The following ESRRG variants were observed in gnomAD, a reference collection of about 807,000 sequenced individuals.
ESRRG encodes estrogen-related receptor gamma.
A neutral mutation model predicts 44.0 loss-of-function variants in ESRRG; 13 were observed. The ratio of observed to expected loss-of-function variants is 0.30; its 90% CI spans 0.19 to 0.47. The LOEUF (loss-of-function observed/expected upper bound fraction) is 0.47, where lower values mean the gene tolerates loss of function less well. Among genes scored for constraint, ESRRG ranks in the 20% least tolerant of loss-of-function variants. The probability of loss-of-function intolerance (pLI) is 1.00; values close to 1 mark genes in which losing one functional copy is unlikely to be tolerated. For missense variants in ESRRG, 395 were observed against 580.6 expected, an observed-to-expected ratio of 0.68 and a Z score of 3.29; for synonymous variants, 215 against 214.6, an observed-to-expected ratio of 1.00 and a Z score of -0.02.
At chr1:217,136,149 C>G (rs192345137) in intron 1 of ESRRG, among the ~76,000 whole-genome samples, 2 of 152,278 alleles carry the variant, frequency 1.3e-5, no homozygotes, top group Admixed American at 6.5e-5. Flanking sequence ...GGGCAAAGAG[C>G]GGAGCTCCCA....
chr1:216,827,967 T>C (rs551773123), intron 2 of ESRRG, among the ~76,000 whole-genome samples: 15 of 152,102 alleles, frequency 9.9e-5, no homozygotes, highest in Non-Finnish European at 2.1e-4. Flanking sequence ...ACAAGAAAAA[T>C]TGTGAACTTC....
intron 1 of ESRRG, among the ~76,000 whole-genome samples, chr1:216,981,979 A>G (rs1211221603): frequency 1.3e-5 from 2 of 152,070 alleles, no homozygotes; most frequent in Non-Finnish European, 2.9e-5. Flanking sequence ...CTCTCTTTCC[A>G]TTTGCCATGT....
chr1:216,579,819 T>A (rs566796824), intron 3 of ESRRG, among the ~76,000 whole-genome samples: 1 of 152,288 alleles, frequency 6.6e-6, no homozygotes, highest in East Asian at 1.9e-4. Context: ...AGACTTCAAA[T>A]GTCACTCCCT....
chr1:216,651,102 T>TTTTCTTCAAAC lies in ESRRG; in HGVS notation c.473-14_473-13insGTTTGAAGAAA. 1 of 1,520,910 alleles carries TTTTCTTCAAAC rather than the reference T, an allele frequency of 6.6e-7. No individual in the cohort carries two copies. Among genetic ancestry groups the TTTTCTTCAAAC allele is most frequent in the Non-Finnish European group, 9.1e-7 (1 of 1,095,446 alleles). The allele number at this position is 1,520,910 out of a possible 1,614,324, so 94.2% of individuals were successfully genotyped here. ...TATTCTATATTGCCTAAAACACAAG[T>TTTTCTTCAAAC]TTGAAGAAAAGTTGTCATATTTACA... On this transcript the variant is annotated splice_polypyrimidine_tract_variant and intron_variant, in intron 2 of 6. Coordinates refer to ENST00000408911, the MANE Select transcript of ESRRG (RefSeq NM_001438.4).
intron 2 of ESRRG, among the ~76,000 whole-genome samples, chr1:216,673,515 C>T (rs1231072549): frequency 6.6e-6 from 1 of 152,210 alleles, no homozygotes; most frequent in Non-Finnish European, 1.5e-5. Flanking sequence ...ATCCTTGAAA[C>T]TTGCTCTCTC....
intron 1 of ESRRG, among the ~76,000 whole-genome samples, chr1:216,690,768 G>A (rs2078913847): frequency 6.6e-6 from 1 of 151,980 alleles, no homozygotes; most frequent in South Asian, 2.1e-4. Flanking sequence ...ACACACAATG[G>A]ACTAGGGAAG....
intron 1 of ESRRG, among the ~76,000 whole-genome samples, chr1:216,967,802 G>A (rs2070779517): frequency 3.3e-5 from 5 of 152,114 alleles, no homozygotes; most frequent in Admixed American, 3.3e-4. Flanking sequence ...AGTTTTGTAA[G>A]AAACTGCCCA....
At chr1:216,636,538 A>C (rs2065335175) in intron 3 of ESRRG, among the ~76,000 whole-genome samples, 1 of 152,296 alleles carries the variant, frequency 6.6e-6, no homozygotes, top group Non-Finnish European at 1.5e-5. Context: ...GCTATTTTCT[A>C]ATGTGCAAAT....
chr1:216,997,722 T>C (rs140378138), intron 1 of ESRRG, among the ~76,000 whole-genome samples: 195 of 152,326 alleles, frequency 1.3e-3, no homozygotes, highest in African/African-American at 2.9e-3. Flanking sequence ...GAAAAGCGTT[T>C]AAAATAGGGA....
At chr1:216,774,872 G>T (rs937172027) in intron 2 of ESRRG, among the ~76,000 whole-genome samples, 1 of 146,336 alleles carries the variant, frequency 6.8e-6, no homozygotes, top group Non-Finnish European at 1.5e-5. Flanking sequence ...CACGAGCACA[G>T]CTCACTGAAG....
intron 2 of ESRRG, among the ~76,000 whole-genome samples, chr1:216,850,467 C>T (rs1210780789): frequency 6.6e-6 from 1 of 152,012 alleles, no homozygotes; most frequent in African/African-American, 2.4e-5. Context: ...TCCAACTCTC[C>T]ACAGGTAGTT....
At chr1:217,054,688 G>C (rs965344837) in intron 1 of ESRRG, among the ~76,000 whole-genome samples, 3 of 152,082 alleles carry the variant, frequency 2.0e-5, no homozygotes, top group Non-Finnish European at 4.4e-5. Flanking sequence ...TGGCTACTGT[G>C]GTTATTATAC....
chr1:216,927,356 C>T (rs1005404797), intron 2 of ESRRG, among the ~76,000 whole-genome samples: 33 of 152,202 alleles, frequency 2.2e-4, no homozygotes, highest in Admixed American at 1.7e-3. Flanking sequence ...AGCCTGAAGA[C>T]GGCCCCTCAC....
intron 1 of ESRRG, among the ~76,000 whole-genome samples, chr1:216,713,491 G>A (rs1357752997): frequency 6.6e-6 from 1 of 151,964 alleles, no homozygotes; most frequent in Admixed American, 6.6e-5. Flanking sequence ...TCAAATACCT[G>A]TAACCCATCT....
At chr1:216,715,466 A>C (rs1163984743) in intron 1 of ESRRG, among the ~76,000 whole-genome samples, 1 of 152,154 alleles carries the variant, frequency 6.6e-6, no homozygotes, top group East Asian at 1.9e-4. Context: ...AATTATCAGA[A>C]TATTCTTTTA....
At chr1:216,652,767 A>T (rs1171021890) in intron 2 of ESRRG, among the ~76,000 whole-genome samples, 2 of 152,052 alleles carry the variant, frequency 1.3e-5, no homozygotes, top group African/African-American at 2.4e-5. Context: ...TAGATGAACC[A>T]CTCTTCACTG....
At chr1:216,726,064 T>C (rs1463495511), upstream of ESRRG, among the ~76,000 whole-genome samples, 2 of 152,182 alleles carry the variant, frequency 1.3e-5, no homozygotes, top group Non-Finnish European at 2.9e-5. Context: ...TTAAAGATAT[T>C]TAGACTCATG....
intron 2 of ESRRG, among the ~76,000 whole-genome samples, chr1:216,935,972 A>G (rs1229929800): frequency 6.6e-6 from 1 of 151,932 alleles, no homozygotes; most frequent in Non-Finnish European, 1.5e-5. Context: ...TATTAACTCA[A>G]TCTTCAGCTT....
rs552013946 is a variant in ESRRG at position 216,656,473 on chromosome 1, A to G, written c.473-5384T>C. Reference sequence around the variant, plus strand: ...TTATTTCAGAGTCTTTTGTGCAATTAGTTTGCAGGCAATATAATTTTCTCA... The same window carrying G: ...TTATTTCAGAGTCTTTTGTGCAATTGGTTTGCAGGCAATATAATTTTCTCA... On this transcript the variant is annotated intron_variant, in intron 2 of 6. Coordinates refer to ENST00000408911, the MANE Select transcript of ESRRG (RefSeq NM_001438.4). Among the ~76,000 whole-genome samples, 3 of 152,312 alleles carry G rather than the reference A, an allele frequency of 2.0e-5. No individual in the cohort carries two copies. In the East Asian group the frequency reaches 5.8e-4, roughly 29 times the overall value.
Sources: gnomAD v4.1 joint callset for allele counts (sites outside exome capture counted in the v4.1 genomes callset) on GRCh38, gnomAD v4.1.1 for gene constraint, MANE v1.5 for transcripts, NCBI Gene and HGNC (gene_info 2026-07-23, HGNC 2026-07-21) for gene names.